COPS3: variants seen among roughly 807,000 people sequenced by gnomAD.
The protein encoded by COPS3 is COP9 signalosome subunit 3.
A neutral mutation model predicts 58.2 loss-of-function variants in COPS3; 10 were observed. That is an observed-to-expected ratio of 0.17 (90% confidence interval 0.11 to 0.29). The LOEUF is 0.29. COPS3 is among the 10% of genes least tolerant of loss of function. The pLI is 1.00. For missense variants in COPS3, 333 were observed against 510.1 expected (o/e 0.65, Z 3.34); for synonymous variants, 187 against 181.7 (o/e 1.03, Z -0.24).
intron 2 of COPS3, among the ~76,000 whole-genome samples, chr17:17,271,212 T>A (rs1414395689): frequency 6.6e-6 from 1 of 151,516 alleles, no homozygotes; most frequent in Non-Finnish European, 1.5e-5. Flanking sequence ...GGAGGACTGC[T>A]TAAGGCCAGG....
intron 2 of COPS3, among the ~76,000 whole-genome samples, chr17:17,271,666 A>G (rs1266120050): frequency 6.6e-6 from 1 of 150,926 alleles, no homozygotes; most frequent in Admixed American, 6.6e-5. Flanking sequence ...CTAAAAATAC[A>G]AAAAAATTAG....
chr17:17,262,363 G>T (rs537663860), intron 6 of COPS3, among the ~76,000 whole-genome samples: 1 of 152,160 alleles, frequency 6.6e-6, no homozygotes. Context: ...TTGGGTTCAA[G>T]CAATCTTCCT....
At chr17:17,267,817 A>G (rs902294714) in intron 5 of COPS3, 68 bp downstream of exon 5, 6 of 1,520,158 alleles carry the variant, frequency 3.9e-6, no homozygotes, top group Admixed American at 1.8e-5. Flanking sequence ...ATCAAACCCA[A>G]TGTTGAGCAA....
At chr17:17,269,914 T>C (rs1182772010) in intron 4 of COPS3, among the ~76,000 whole-genome samples, 1 of 152,182 alleles carries the variant, frequency 6.6e-6, no homozygotes, top group Non-Finnish European at 1.5e-5. Flanking sequence ...CCTGGCACTT[T>C]GGGAGGCCAA....
intron 7 of COPS3, among the ~76,000 whole-genome samples, chr17:17,260,873 C>T (rs776873100): frequency 2.5e-4 from 38 of 150,922 alleles, no homozygotes; most frequent in Non-Finnish European, 5.0e-4. Flanking sequence ...GAAGCAAAAA[C>T]ACACTTACAT....
chr17:17,265,282 G>A (rs1252593206), intron 5 of COPS3, among the ~76,000 whole-genome samples: 2 of 152,120 alleles, frequency 1.3e-5, no homozygotes, highest in East Asian at 3.8e-4. Context: ...GCATTCTAAA[G>A]ATTTCAGATT....
At chr17:17,262,526 G>A (rs1247358896) in intron 6 of COPS3, among the ~76,000 whole-genome samples, 2 of 151,668 alleles carry the variant, frequency 1.3e-5, no homozygotes, top group South Asian at 2.1e-4. Flanking sequence ...TCAGGGGATC[G>A]AGACCAACCT....
chr17:17,253,117 T>C (rs1226594127), intron 9 of COPS3, among the ~76,000 whole-genome samples: 3 of 152,076 alleles, frequency 2.0e-5, no homozygotes, highest in Non-Finnish European at 4.4e-5. Flanking sequence ...TCACAGCTAC[T>C]TGGGAGGCTG....
intron 9 of COPS3, among the ~76,000 whole-genome samples, chr17:17,249,728 G>A (rs2047799953): frequency 6.6e-6 from 1 of 152,150 alleles, no homozygotes; most frequent in Non-Finnish European, 1.5e-5. Flanking sequence ...CCGACTTTAG[G>A]TGAGCCATCC....
chr17:17,260,537 C>T lies in COPS3; in HGVS notation c.763-63G>A, dbSNP rs146265181. 12 of 1,526,600 alleles carry T rather than the reference C, an allele frequency of 7.9e-6. No individual in the cohort carries two copies. The South Asian group carries it at 1.0e-4, about 13-fold the overall frequency. The allele number at this position is 1,526,600 out of a possible 1,614,324, so 94.6% of individuals were successfully genotyped here. A position where few individuals can be genotyped will look rare whatever the true frequency, so the allele number is the denominator to read the frequency against. On this transcript the variant is annotated intron_variant, in intron 7 of 11. Transcript: ENST00000268717. The stretch of plus-strand genomic sequence containing the variant: ...CTTCAGAAGAGGCCAGGTGTGGGGA[C>T]TCACGCCTGTAATCTCAACACTTTG...
chr17:17,274,754 CTT>C (rs377530136), intron 2 of COPS3, among the ~76,000 whole-genome samples: 1 of 141,152 alleles, frequency 7.1e-6, no homozygotes, highest in African/African-American at 2.6e-5. Context: ...TTCAATCGTG[CTT>C]TTTTTTTTTT....
At chr17:17,261,535 T>G (rs796849766) in intron 7 of COPS3, 3 of 332,036 alleles carry the variant, frequency 9.0e-6, no homozygotes, top group Non-Finnish European at 1.7e-5. Flanking sequence ...TCTAAATAAA[T>G]AAATAAATAA....
intron 5 of COPS3, 64 bp downstream of exon 5, chr17:17,267,821 T>G: frequency 6.5e-7 from 1 of 1,536,756 alleles, no homozygotes; most frequent in East Asian, 2.3e-5. Flanking sequence ...AACCCAATGT[T>G]GAGCAAGCCC....
At chr17:17,257,393 C>A (rs886376070) in intron 8 of COPS3, among the ~76,000 whole-genome samples, 5 of 148,298 alleles carry the variant, frequency 3.4e-5, no homozygotes, top group Non-Finnish European at 7.5e-5. Context: ...AAATACCAAA[C>A]AAACAAAAGA....
chr17:17,251,405 C>T (rs999680077), intron 9 of COPS3, among the ~76,000 whole-genome samples: 42 of 152,078 alleles, frequency 2.8e-4, no homozygotes, highest in African/African-American at 9.7e-4. Context: ...AGCGATTCTC[C>T]AGCCTCAGCC....
At chr17:17,278,704 T>C (rs1420297987) in intron 1 of COPS3, among the ~76,000 whole-genome samples, 2 of 152,140 alleles carry the variant, frequency 1.3e-5, no homozygotes, top group Non-Finnish European at 2.9e-5. Flanking sequence ...AGTTCTCTAC[T>C]AGTTAACAAT....
intron 2 of COPS3, 71 bp downstream of exon 2, chr17:17,275,964 A>G: frequency 7.2e-7 from 1 of 1,389,652 alleles, no homozygotes. Flanking sequence ...TAAATAAATA[A>G]AAATAAAGCC....
chr17:17,261,061 G>C (rs952836908), intron 7 of COPS3, among the ~76,000 whole-genome samples: 1 of 152,158 alleles, frequency 6.6e-6, no homozygotes, highest in African/African-American at 2.4e-5. Flanking sequence ...CACAGCAGGT[G>C]AAAACCCACT....
chr17:17,266,403 C>T (rs1440502358), intron 5 of COPS3, among the ~76,000 whole-genome samples: 7 of 152,126 alleles, frequency 4.6e-5, no homozygotes, highest in Non-Finnish European at 8.8e-5. Context: ...AACATAGTTT[C>T]CTTTGTAGAG....
Sources: gnomAD v4.1 joint callset for allele counts (sites outside exome capture counted in the v4.1 genomes callset) on GRCh38, gnomAD v4.1.1 for gene constraint, MANE v1.5 for transcripts, NCBI Gene and HGNC (gene_info 2026-07-23, HGNC 2026-07-21) for gene names.